Variants in TFEC observed in about 807,000 individuals in gnomAD.
TFEC encodes the protein class E basic helix-loop-helix protein 34.
A neutral mutation model predicts 41.6 loss-of-function variants in TFEC; 31 were observed. That is an observed-to-expected ratio of 0.74 (90% CI 0.56 to 1.01). The LOEUF (loss-of-function observed/expected upper bound fraction) is 1.01. Ranked by LOEUF, TFEC falls within the 50% of genes least tolerant of loss-of-function variation. The probability of loss-of-function intolerance (pLI) is 0.00; values close to 1 mark genes in which losing one functional copy is unlikely to be tolerated. For synonymous variants in TFEC, 143 were observed against 140.6 expected, an observed-to-expected ratio of 1.02 and a Z score of -0.12; for missense variants, 402 against 404.1, an observed-to-expected ratio of 0.99 and a Z score of 0.04.
At chr7:115,962,804 C>T (rs1029350307) in intron 3 of TFEC, among the ~76,000 whole-genome samples, 1 of 151,826 alleles carries the variant, frequency 6.6e-6, no homozygotes, top group Non-Finnish European at 1.5e-5. Flanking sequence ...AGAATATATA[C>T]ATAAAAACAA....
At chr7:116,036,108 G>A (rs1386599480) in intron 3 of TFEC, among the ~76,000 whole-genome samples, 2 of 151,912 alleles carry the variant, frequency 1.3e-5, no homozygotes, top group Non-Finnish European at 2.9e-5. Flanking sequence ...TTGTTATACT[G>A]TATTGTCGAT....
chr7:116,047,008 C>T (rs1203229124), intron 3 of TFEC, among the ~76,000 whole-genome samples: 3 of 152,110 alleles, frequency 2.0e-5, no homozygotes, highest in Admixed American at 2.0e-4. Context: ...TCAGTGACTC[C>T]AGTAAACACT....
intron 1 of TFEC, among the ~76,000 whole-genome samples, chr7:116,015,875 G>A (rs1386066035): frequency 6.6e-6 from 1 of 152,162 alleles, no homozygotes; most frequent in East Asian, 1.9e-4. Context: ...GAACATGTAA[G>A]GGGAAGGTCT....
At chr7:116,136,674 A>C (rs1798438534) in intron 1 of TFEC, among the ~76,000 whole-genome samples, 1 of 151,886 alleles carries the variant, frequency 6.6e-6, no homozygotes, top group African/African-American at 2.4e-5. Context: ...TTGAAAAATC[A>C]GTTGATTCTT....
chr7:116,089,726 A>C lies in TFEC; in HGVS notation c.198+20982T>G, dbSNP rs536066316. Among the ~76,000 whole-genome samples, 20 of 152,304 alleles carry C rather than the reference A, an allele frequency of 1.3e-4. No individual in the cohort carries two copies. The East Asian group carries it at 3.5e-3, about 26-fold the overall frequency. ...TTCCCACTGAGGGTGCAAAAGACAA[A>C]GGAAAGTATCTCTGGAGAAATACTA... On this transcript the variant is annotated intron_variant, in intron 3 of 8. Coordinates refer to the TFEC transcript ENST00000484212.
At chr7:116,103,108 T>A (rs1797640235) in intron 3 of TFEC, among the ~76,000 whole-genome samples, 1 of 152,050 alleles carries the variant, frequency 6.6e-6, no homozygotes, top group Non-Finnish European at 1.5e-5. Context: ...GGCATGGTAA[T>A]AACGATTACC....
intron 1 of TFEC, among the ~76,000 whole-genome samples, chr7:116,010,545 A>T (rs1385158704): frequency 1.3e-5 from 2 of 152,142 alleles, no homozygotes; most frequent in African/African-American, 4.8e-5. Context: ...CAGGAGGGGA[A>T]ATGAAATAGG....
intron 1 of TFEC, among the ~76,000 whole-genome samples, chr7:115,991,403 A>G (rs965513845): frequency 6.6e-6 from 1 of 152,210 alleles, no homozygotes; most frequent in Non-Finnish European, 1.5e-5. Context: ...AATGGGCTAA[A>G]TGCTCCCATT....
chr7:116,084,252 G>C (rs1485452602), intron 3 of TFEC, among the ~76,000 whole-genome samples: 1 of 151,724 alleles, frequency 6.6e-6, no homozygotes, highest in African/African-American at 2.4e-5. Context: ...ATTTTCACTA[G>C]TTTGCCTACA....
intron 1 of TFEC, among the ~76,000 whole-genome samples, chr7:116,024,590 A>G (rs1258630936): frequency 6.6e-6 from 1 of 152,190 alleles, no homozygotes; most frequent in African/African-American, 2.4e-5. Flanking sequence ...GGAGAGCCCA[A>G]TCAATGTTTC....
chr7:116,154,445 C>T (rs945883095), intron 1 of TFEC, among the ~76,000 whole-genome samples: 1 of 152,010 alleles, frequency 6.6e-6, no homozygotes, highest in Non-Finnish European at 1.5e-5. Flanking sequence ...TTTCATAATT[C>T]TTGAAAGCAT....
intron 3 of TFEC, among the ~76,000 whole-genome samples, chr7:115,966,683 G>A (rs943423451): frequency 6.6e-6 from 1 of 151,720 alleles, no homozygotes; most frequent in Non-Finnish European, 1.5e-5. Flanking sequence ...ATAGGTAGAA[G>A]GGCCTTGCCT....
At chr7:116,132,987 A>C (rs963349557) in intron 1 of TFEC, among the ~76,000 whole-genome samples, 1 of 152,150 alleles carries the variant, frequency 6.6e-6, no homozygotes, top group Admixed American at 6.5e-5. Flanking sequence ...TTGTTTCATT[A>C]ATTTTTAAGC....
Position 116,046,485 on chromosome 7 carries a change from C to T in TFEC, c.199-61972G>A, listed in dbSNP as rs1383902427. 2.0e-5 allele frequency among the ~76,000 whole-genome samples: 3 copies of T among 152,238 alleles called. No individual in the cohort carries two copies. The East Asian group carries it at 5.8e-4, about 29-fold the overall frequency. On this transcript the variant is annotated intron_variant, in intron 3 of 8. Transcript: ENST00000484212. ...TTCCCCTCTTGCCATGATTCGAAGG[C>T]CTTCCTAGCCATGTGGAACCGTAAG...
intron 3 of TFEC, among the ~76,000 whole-genome samples, chr7:116,066,302 T>G (rs2131007234): frequency 6.6e-6 from 1 of 152,266 alleles, no homozygotes; most frequent in South Asian, 2.1e-4. Flanking sequence ...AGTACCTTGG[T>G]AGCTGCATTT....
chr7:115,957,141 G>A (rs1792279425), intron 3 of TFEC, among the ~76,000 whole-genome samples: 1 of 151,816 alleles, frequency 6.6e-6, no homozygotes, highest in Non-Finnish European at 1.5e-5. Flanking sequence ...TATTATTTTG[G>A]ACAAAAATCA....
chr7:116,017,334 G>A (rs1795229887), intron 1 of TFEC, among the ~76,000 whole-genome samples: 1 of 152,088 alleles, frequency 6.6e-6, no homozygotes, highest in Admixed American at 6.5e-5. Context: ...TGATTCTCCT[G>A]CCTCAGCCTC....
At chr7:116,004,275 T>C (rs1215697853) in intron 1 of TFEC, among the ~76,000 whole-genome samples, 5 of 152,128 alleles carry the variant, frequency 3.3e-5, no homozygotes, top group Non-Finnish European at 5.9e-5. Context: ...CACAAATTAT[T>C]ATCAAAAATA....
intron 1 of TFEC, among the ~76,000 whole-genome samples, chr7:116,157,969 G>A (rs1440004949): frequency 3.3e-5 from 5 of 152,054 alleles, no homozygotes; most frequent in African/African-American, 7.2e-5. Flanking sequence ...TCTGTCCCCC[G>A]TTTACAATTC....
Sources: gnomAD v4.1 joint callset for allele counts (sites outside exome capture counted in the v4.1 genomes callset) on GRCh38, gnomAD v4.1.1 for gene constraint, MANE v1.5 for transcripts, NCBI Gene and HGNC (gene_info 2026-07-23, HGNC 2026-07-21) for gene names.